PCMTD1: variants seen among roughly 807,000 people sequenced by gnomAD.
PCMTD1 encodes the protein protein-L-isoaspartate (D-aspartate) O-methyltransferase domain containing 1, also known as protein-L-isoaspartate O-methyltransferase domain-containing protein 1.
A neutral mutation model predicts 37.6 loss-of-function variants in PCMTD1; 12 were observed. The ratio of observed to expected loss-of-function variants is 0.32; its 90% CI spans 0.20 to 0.52. PCMTD1 has a LOEUF of 0.52. PCMTD1 is among the 20% of genes least tolerant of loss of function. The pLI is 0.97. For synonymous variants in PCMTD1, 117 were observed against 135.8 expected (o/e 0.86, Z 0.96); for missense variants, 235 against 421.3 (o/e 0.56, Z 3.87).
In PCMTD1 at chr8:51,825,413, G is replaced by GCAACCAACAAGCATAC. The variant is rs1563334736; in HGVS notation, c.707-4696_707-4695insGTATGCTTGTTGGTTG. On this transcript the variant is annotated intron_variant, in intron 5 of 5. Transcript: ENST00000522514. ...ACACTTCTCAAAATAAGATATTTAT[G>GCAACCAACAAGCATAC]GCCGGGCGCGGTGGCTCACGCCTGT... Among the ~76,000 whole-genome samples, 35 of 71,166 alleles carry GCAACCAACAAGCATAC rather than the reference G, an allele frequency of 4.9e-4. 6 individuals are homozygous for GCAACCAACAAGCATAC. Among genetic ancestry groups the GCAACCAACAAGCATAC allele is most frequent in the Non-Finnish European group, 1.1e-3 (18 of 16,472 alleles). 46.7% of individuals were successfully genotyped at this position (71,166 alleles called of 152,430 possible).
rs2038815055 is a variant in PCMTD1, at chr8:51,883,064, G to A, written c.-96+15866C>T. Among the ~76,000 whole-genome samples the A allele has an allele frequency of 3.3e-5, 5 of 151,884 alleles. No individual in the cohort carries two copies. In the South Asian group the frequency reaches 1.0e-3, roughly 32 times the overall value. ...AGGCGGGAGAATGGCGTGAACCCAGGAGGCAGAGCTTGCAGTGAGCTGAGA... is the reference window on the plus strand; with the variant it reads ...AGGCGGGAGAATGGCGTGAACCCAGAAGGCAGAGCTTGCAGTGAGCTGAGA... On this transcript the variant is annotated intron_variant, in intron 1 of 5. Coordinates refer to ENST00000522514, the MANE Select transcript of PCMTD1 (RefSeq NM_052937.4).
intron 1 of PCMTD1, among the ~76,000 whole-genome samples, chr8:51,892,578 A>C (rs1041693067): frequency 6.6e-6 from 1 of 152,246 alleles, no homozygotes. Context: ...TTCTTCCTTC[A>C]AAGTGTTGTC....
chr8:51,865,788 T>C (rs1441362250), intron 1 of PCMTD1, among the ~76,000 whole-genome samples: 1 of 151,614 alleles, frequency 6.6e-6, no homozygotes, highest in Admixed American at 6.6e-5. Flanking sequence ...CTACTTCTAT[T>C]CAACACAGAA....
At chr8:51,860,167 C>T (rs954626743) in intron 2 of PCMTD1, among the ~76,000 whole-genome samples, 3 of 152,146 alleles carry the variant, frequency 2.0e-5, no homozygotes, top group Admixed American at 1.3e-4. Context: ...CATTTACTTG[C>T]CCATATAAAA....
chr8:51,874,348 C>CG lies in PCMTD1; in HGVS notation c.-95-13103dup, dbSNP rs570497646. 8.8e-4 allele frequency among the ~76,000 whole-genome samples: 134 copies of CG among 152,200 alleles called. 2 individuals are homozygous for CG. The South Asian group carries it at 0.027, about 30-fold the overall frequency. On this transcript the variant is annotated intron_variant, in intron 1 of 5. Transcript: ENST00000522514. ...CACCACCCCACCCATCCCCCGCCCC[C>CG]GGGGCTGCATTTAACAACTCCTTCA...
At chr8:51,820,836 A>G in intron 5 of PCMTD1, 118 bp from the exon 6 acceptor site, 1 of 1,176,494 alleles carries the variant, frequency 8.5e-7, no homozygotes. Context: ...TACAGAAAAT[A>G]TGAAAACTCT....
At chr8:51,897,302 G>A (rs1292408542) in intron 1 of PCMTD1, among the ~76,000 whole-genome samples, 1 of 152,148 alleles carries the variant, frequency 6.6e-6, no homozygotes, top group Non-Finnish European at 1.5e-5. Flanking sequence ...TTAATAGTAG[G>A]CAGTGTAGTA....
intron 1 of PCMTD1, among the ~76,000 whole-genome samples, chr8:51,873,549 A>T (rs1469315869): frequency 4.6e-5 from 7 of 152,110 alleles, no homozygotes; most frequent in Non-Finnish European, 1.0e-4. Context: ...ATATAGTTTT[A>T]ATATTGTCAC....
intron 3 of PCMTD1, among the ~76,000 whole-genome samples, chr8:51,833,894 T>G (rs966612268): frequency 6.6e-6 from 1 of 152,204 alleles, no homozygotes; most frequent in African/African-American, 2.4e-5. Context: ...AGGACGGACA[T>G]GTGTTTTCAA....
chr8:51,853,211 G>A (rs1172423354), intron 2 of PCMTD1, among the ~76,000 whole-genome samples: 1 of 152,204 alleles, frequency 6.6e-6, no homozygotes, highest in Non-Finnish European at 1.5e-5. Flanking sequence ...AAGGGTGTAG[G>A]AGGGTAGATG....
intron 5 of PCMTD1, among the ~76,000 whole-genome samples, chr8:51,826,453 T>A (rs1249775404): frequency 1.3e-5 from 2 of 152,146 alleles, no homozygotes; most frequent in Admixed American, 6.5e-5. Flanking sequence ...CAAACCACCA[T>A]GGCACATGTA....
intron 2 of PCMTD1, 89 bp downstream of exon 2, chr8:51,860,756 T>C: frequency 3.6e-6 from 4 of 1,116,638 alleles, no homozygotes; most frequent in Non-Finnish European, 5.0e-6. Flanking sequence ...TCAAACATAC[T>C]GTACACAAAG....
intron 5 of PCMTD1, among the ~76,000 whole-genome samples, chr8:51,829,315 A>T (rs997813677): frequency 6.6e-6 from 1 of 152,228 alleles, no homozygotes; most frequent in Non-Finnish European, 1.5e-5. Flanking sequence ...CACTCACCAC[A>T]GAGCCATGCA....
chr8:51,821,108 TAAC>T (rs1357584708), intron 5 of PCMTD1, among the ~76,000 whole-genome samples: 3 of 152,186 alleles, frequency 2.0e-5, no homozygotes, highest in African/African-American at 4.8e-5. Flanking sequence ...TACTTATTCA[TAAC>T]AACAGATGTG....
At chr8:51,885,591 G>A (rs1012664007) in intron 1 of PCMTD1, among the ~76,000 whole-genome samples, 2 of 152,138 alleles carry the variant, frequency 1.3e-5, no homozygotes, top group South Asian at 4.1e-4. Flanking sequence ...CATGGGAAAT[G>A]ACAAAATAAA....
chr8:51,889,756 TAA>T (rs2038911197), intron 1 of PCMTD1, among the ~76,000 whole-genome samples: 1 of 152,166 alleles, frequency 6.6e-6, no homozygotes, highest in African/African-American at 2.4e-5. Flanking sequence ...TATTCCCACA[TAA>T]AGTGTCAGTT....
intron 1 of PCMTD1, among the ~76,000 whole-genome samples, chr8:51,886,020 A>G (rs1284420563): frequency 2.0e-5 from 3 of 152,264 alleles, no homozygotes; most frequent in African/African-American, 7.2e-5. Context: ...CCTACTAAGA[A>G]CAAAGACTAT....
chr8:51,866,844 G>C (rs2038562359), intron 1 of PCMTD1, among the ~76,000 whole-genome samples: 2 of 151,948 alleles, frequency 1.3e-5, no homozygotes, highest in African/African-American at 4.8e-5. Flanking sequence ...AAGCAGTAAA[G>C]TGAAGTGATA....
At chr8:51,877,537 A>G (rs1317423285) in intron 1 of PCMTD1, among the ~76,000 whole-genome samples, 2 of 152,236 alleles carry the variant, frequency 1.3e-5, no homozygotes, top group African/African-American at 4.8e-5. Flanking sequence ...CGGCTAGCAG[A>G]TATTTCAGAA....
Sources: allele counts gnomAD v4.1 joint callset (sites outside exome capture counted in the v4.1 genomes callset), GRCh38; gene constraint gnomAD v4.1.1; transcripts MANE v1.5; gene names NCBI Gene and HGNC (gene_info 2026-07-23, HGNC 2026-07-21).